Variants in FAM110B observed in about 807,000 individuals in gnomAD.
FAM110B encodes protein FAM110B.
A neutral mutation model predicts 20.4 loss-of-function variants in FAM110B; 6 were observed. The observed-to-expected ratio is 0.29, with a 90% confidence interval of 0.16 to 0.58. The LOEUF (loss-of-function observed/expected upper bound fraction) is 0.58, where lower values mean the gene tolerates loss of function less well. FAM110B is among the 20% of genes least tolerant of loss of function. The pLI is 0.90. For missense variants in FAM110B, 434 were observed against 498.2 expected (o/e 0.87, Z 1.23); for synonymous variants, 226 against 214.1 (o/e 1.06, Z -0.49).
At chr8:58,120,114 A>G (rs1021370371) in intron 3 of FAM110B, among the ~76,000 whole-genome samples, 2 of 152,212 alleles carry the variant, frequency 1.3e-5, no homozygotes, top group Non-Finnish European at 2.9e-5. Context: ...GTGAGGAAAT[A>G]TGAACCACAT....
intron 3 of FAM110B, among the ~76,000 whole-genome samples, chr8:58,134,414 T>G (rs1301049560): frequency 2.0e-5 from 3 of 152,230 alleles, no homozygotes; most frequent in Non-Finnish European, 4.4e-5. Context: ...TGGAGATTAC[T>G]CCAATCAAAA....
intron 3 of FAM110B, among the ~76,000 whole-genome samples, chr8:58,108,758 G>T (rs1347958206): frequency 6.6e-6 from 1 of 152,180 alleles, no homozygotes; most frequent in Non-Finnish European, 1.5e-5. Flanking sequence ...TCTGCTCAGA[G>T]GGCCTGTCCC....
intron 2 of FAM110B, among the ~76,000 whole-genome samples, chr8:58,057,307 T>C (rs1052832401): frequency 6.6e-6 from 1 of 152,176 alleles, no homozygotes; most frequent in Non-Finnish European, 1.5e-5. Flanking sequence ...GTGCTGGGCT[T>C]GTTGATAGAG....
At chr8:58,089,068 CT>C (rs1806408096) in intron 3 of FAM110B, among the ~76,000 whole-genome samples, 1 of 152,168 alleles carries the variant, frequency 6.6e-6, no homozygotes. Flanking sequence ...AAGTAAAAAC[CT>C]TCACAGATGA....
Position 58,105,556 on chromosome 8 carries a change from A to ATTTTTTTTTTT in FAM110B, c.-325+29953_-325+29963dup, listed in dbSNP as rs71557704. On this transcript the variant is annotated intron_variant, in intron 3 of 3. Coordinates refer to ENST00000519262, the MANE Select transcript of FAM110B (RefSeq NM_001377989.1). ...TGAAAATGAATGAATGAATGAATGA[A>ATTTTTTTTTTT]TTTTTTTTTTTTTTTTTTTTTTTTT... Among the ~76,000 whole-genome samples, 21 of 94,636 alleles carry ATTTTTTTTTTT rather than the reference A, an allele frequency of 2.2e-4. 1 individual carries two copies. Among genetic ancestry groups the ATTTTTTTTTTT allele is most frequent in the South Asian group, 7.6e-4 (2 of 2,640 alleles). 62.1% of individuals were successfully genotyped at this position (94,636 alleles called of 152,430 possible).
intron 3 of FAM110B, among the ~76,000 whole-genome samples, chr8:58,110,561 T>C (rs1807034809): frequency 6.6e-6 from 1 of 152,200 alleles, no homozygotes; most frequent in Admixed American, 6.5e-5. Context: ...ATTTCAAAGA[T>C]ACTTTACCTG....
intron 1 of FAM110B, among the ~76,000 whole-genome samples, chr8:58,013,216 T>C (rs16922885): frequency 0.024 from 3,701 of 152,350 alleles, 161 homozygotes; most frequent in African/African-American, 0.084. Context: ...AAATGCCTGC[T>C]GTTACAGAAT....
chr8:58,038,229 G>T (rs1341333371), intron 2 of FAM110B, among the ~76,000 whole-genome samples: 2 of 152,026 alleles, frequency 1.3e-5, no homozygotes, highest in Non-Finnish European at 2.9e-5. Context: ...TCTAAATTAG[G>T]TTACAGAGCT....
chr8:58,087,739 C>T (rs961771467), intron 3 of FAM110B, among the ~76,000 whole-genome samples: 1 of 152,166 alleles, frequency 6.6e-6, no homozygotes, highest in Non-Finnish European at 1.5e-5. Context: ...AACCACTCTG[C>T]ATTCATCTAT....
chr8:58,024,579 T>C (rs1804818191), intron 1 of FAM110B, among the ~76,000 whole-genome samples: 1 of 152,246 alleles, frequency 6.6e-6, no homozygotes, highest in Admixed American at 6.5e-5. Flanking sequence ...TTGTCCAAGG[T>C]ACGTTATGAA....
At chr8:58,095,489 G>A (rs1440987847) in intron 3 of FAM110B, among the ~76,000 whole-genome samples, 6 of 152,022 alleles carry the variant, frequency 3.9e-5, no homozygotes, top group South Asian at 2.1e-4. Context: ...CCTTGACTTC[G>A]TTATTTTTCT....
intron 3 of FAM110B, among the ~76,000 whole-genome samples, chr8:58,095,630 G>A (rs1016692620): frequency 5.3e-5 from 8 of 152,062 alleles, no homozygotes; most frequent in African/African-American, 1.9e-4. Context: ...CCATTCTTTT[G>A]CATTTGCTGA....
intron 1 of FAM110B, among the ~76,000 whole-genome samples, chr8:58,009,457 C>T (rs926387775): frequency 2.6e-5 from 4 of 152,118 alleles, no homozygotes; most frequent in African/African-American, 9.7e-5. Context: ...GAGATGTCCT[C>T]CTGAAAGTGT....
At chr8:58,133,602 G>A (rs1803540264) in intron 3 of FAM110B, among the ~76,000 whole-genome samples, 1 of 152,182 alleles carries the variant, frequency 6.6e-6, no homozygotes, top group East Asian at 1.9e-4. Context: ...GAAGACTCAA[G>A]GAGGGGAGGA....
intron 3 of FAM110B, among the ~76,000 whole-genome samples, chr8:58,082,951 G>C (rs758686808): frequency 8.7e-5 from 13 of 150,108 alleles, no homozygotes; most frequent in Non-Finnish European, 1.3e-4. Context: ...TGTGGCTTCA[G>C]TGAGCTATGA....
At position 58,035,191 on chromosome 8, in the gene FAM110B, T is replaced by C. The variant is rs79481797; in HGVS notation, c.-414+3488T>C. ...AAAGATAGTAGTAATTATTTTGTTC[T>C]CTCATTAGACAATATTTTTTATCAT... is the stretch of plus-strand genomic sequence containing the variant. On this transcript the variant is annotated intron_variant, in intron 2 of 3. Transcript: ENST00000519262. Among the ~76,000 whole-genome samples the C allele has an allele frequency of 4.2e-4, 64 of 152,350 alleles. No individual in the cohort carries two copies. The East Asian group carries it at 4.8e-3, about 11-fold the overall frequency.
chr8:58,009,844 C>G (rs1166291361), intron 1 of FAM110B, among the ~76,000 whole-genome samples: 1 of 152,180 alleles, frequency 6.6e-6, no homozygotes, highest in Non-Finnish European at 1.5e-5. Context: ...ACAAATCATG[C>G]CAAACTGACC....
intron 3 of FAM110B, among the ~76,000 whole-genome samples, chr8:58,121,144 C>T (rs746098943): frequency 3.3e-5 from 5 of 152,110 alleles, no homozygotes; most frequent in African/African-American, 7.2e-5. Flanking sequence ...GGATGAGGCG[C>T]GATGAGCCTC....
At chr8:58,015,056 T>C (rs1804609980) in intron 1 of FAM110B, among the ~76,000 whole-genome samples, 1 of 152,222 alleles carries the variant, frequency 6.6e-6, no homozygotes, top group Non-Finnish European at 1.5e-5. Flanking sequence ...GGGCAGTTTT[T>C]GTTTAAGATA....
Sources: allele counts gnomAD v4.1 joint callset (sites outside exome capture counted in the v4.1 genomes callset), GRCh38; gene constraint gnomAD v4.1.1; transcripts MANE v1.5; gene names NCBI Gene and HGNC (gene_info 2026-07-23, HGNC 2026-07-21).